DLGAP1: variants seen among roughly 807,000 people sequenced by gnomAD.
DLGAP1 encodes the protein disks large-associated protein 1.
Under a neutral mutation model 90.8 loss-of-function variants are expected in DLGAP1, and 11 were observed. That is an observed-to-expected ratio of 0.12 (90% CI 0.08 to 0.20). The LOEUF is 0.20. Among genes scored for constraint, DLGAP1 ranks in the 10% least tolerant of loss-of-function variants. The pLI, the probability that DLGAP1 is intolerant of heterozygous loss-of-function variation, is 1.00. For synonymous variants in DLGAP1, 558 were observed against 540.7 expected, an observed-to-expected ratio of 1.03 and a Z score of -0.44; for missense variants, 1,050 against 1,333.8, an observed-to-expected ratio of 0.79 and a Z score of 3.31.
intron 6 of DLGAP1, among the ~76,000 whole-genome samples, chr18:3,741,061 C>CAT (rs2062927624): frequency 1.1e-5 from 1 of 90,824 alleles, no homozygotes. Context: ...ACCACCATCA[C>CAT]CACCACCACC....
chr18:3,845,442 A>C (rs1333742510), intron 4 of DLGAP1: 14 of 1,350,654 alleles, frequency 1.0e-5, no homozygotes, highest in Non-Finnish European at 1.2e-5. Flanking sequence ...TTGCAACTTT[A>C]CATTTTCATT....
At chr18:3,560,147 G>T (rs538117465) in intron 9 of DLGAP1, among the ~76,000 whole-genome samples, 29 of 151,710 alleles carry the variant, frequency 1.9e-4, no homozygotes, top group Non-Finnish European at 4.0e-4. Context: ...TGGGCCAGGC[G>T]CAGTGGCTCA....
Position 3,600,827 on chromosome 18 carries a change from G to T in DLGAP1, c.1592-18579C>A, listed in dbSNP as rs867688115. Among the ~76,000 whole-genome samples, 67 of 12,134 alleles carry T rather than the reference G, an allele frequency of 5.5e-3. 2 individuals are homozygous for T. Among genetic ancestry groups the T allele is most frequent in the East Asian group, 9.1e-3 (5 of 552 alleles). The allele number at this position is 12,134 out of a possible 152,430, so 8.0% of individuals were successfully genotyped here. ...ATATATAGATATATATAGATATATA[G>T]ATATATATAGATATATATAGATATA... On this transcript the variant is annotated intron_variant, in intron 7 of 12. Transcript: ENST00000315677.
intron 7 of DLGAP1, among the ~76,000 whole-genome samples, chr18:3,647,079 T>TTAG (rs1567893438): frequency 2.0e-5 from 3 of 151,902 alleles, no homozygotes; most frequent in Non-Finnish European, 4.4e-5. Context: ...TGAAACCCTG[T>TTAG]TTCTACTAAA....
intron 5 of DLGAP1, among the ~76,000 whole-genome samples, chr18:3,812,531 T>A (rs1254585680): frequency 7.9e-5 from 12 of 152,196 alleles, no homozygotes; most frequent in Non-Finnish European, 1.8e-4. Flanking sequence ...TGTGGTAGTT[T>A]GTTCTGATGA....
chr18:4,070,765 C>G lies in DLGAP1; in HGVS notation c.-158-65564G>C, dbSNP rs146481569. Among the ~76,000 whole-genome samples the G allele has an allele frequency of 2.0e-3, 298 of 152,094 alleles. 1 individual carries two copies. The highest frequency in any genetic ancestry group is 6.7e-3 in the African/African-American group (277 of 41,490). On this transcript the variant is annotated intron_variant, in intron 2 of 12. Transcript: ENST00000315677. ...AATCATAAACGTAAACAAGAAAGAGCTCTTTAATTATATGAAGTAAAAACA... is the reference window on the plus strand; with the variant it reads ...AATCATAAACGTAAACAAGAAAGAGGTCTTTAATTATATGAAGTAAAAACA...
chr18:4,114,610 C>A lies in DLGAP1; in HGVS notation c.-159+36570G>T, dbSNP rs1375576932. Among the ~76,000 whole-genome samples, 7 of 151,786 alleles carry A rather than the reference C, an allele frequency of 4.6e-5. No individual in the cohort carries two copies. The South Asian group carries it at 1.5e-3, about 31-fold the overall frequency. Reference sequence around the variant, plus strand: ...TTTAGATGTCTTTTATTTCTTTTTTCGTGTCTGGTTGCTCTGGGTATGACT... The same window carrying A: ...TTTAGATGTCTTTTATTTCTTTTTTAGTGTCTGGTTGCTCTGGGTATGACT... On this transcript the variant is annotated intron_variant, in intron 2 of 12. Coordinates refer to ENST00000315677, the MANE Select transcript of DLGAP1 (RefSeq NM_004746.4).
chr18:3,618,283 G>C (rs1213782922), intron 7 of DLGAP1, among the ~76,000 whole-genome samples: 1 of 152,186 alleles, frequency 6.6e-6, no homozygotes, highest in South Asian at 2.1e-4. Context: ...AGAAACCCAT[G>C]AATCAATAAT....
intron 1 of DLGAP1, among the ~76,000 whole-genome samples, chr18:4,158,795 A>G (rs1461516487): frequency 1.3e-5 from 2 of 152,174 alleles, no homozygotes; most frequent in African/African-American, 2.4e-5. Flanking sequence ...GGAAGAGAGA[A>G]AAGTCAGTGA....
chr18:4,334,247 A>T (rs1220152409), intron 1 of DLGAP1, among the ~76,000 whole-genome samples: 1 of 151,726 alleles, frequency 6.6e-6, no homozygotes, highest in Non-Finnish European at 1.5e-5. Context: ...AAACAAACAA[A>T]CAAACAAACA....
intron 1 of DLGAP1, among the ~76,000 whole-genome samples, chr18:4,181,554 C>T (rs965500887): frequency 1.3e-5 from 2 of 152,134 alleles, no homozygotes; most frequent in African/African-American, 4.8e-5. Context: ...CACTCTTATT[C>T]GTAACAAAAC....
intron 7 of DLGAP1, among the ~76,000 whole-genome samples, chr18:3,638,134 A>G (rs1224917972): frequency 1.3e-5 from 2 of 151,618 alleles, no homozygotes; most frequent in Non-Finnish European, 2.9e-5. Context: ...TTTTTAGTAG[A>G]GACAGGGTTT....
intron 2 of DLGAP1, among the ~76,000 whole-genome samples, chr18:4,014,914 A>G (rs1353075920): frequency 6.6e-6 from 1 of 152,140 alleles, no homozygotes; most frequent in Non-Finnish European, 1.5e-5. Flanking sequence ...TCTAAGTTCT[A>G]AAGAGTGTGT....
intron 3 of DLGAP1, among the ~76,000 whole-genome samples, chr18:3,951,535 A>AT (rs912973892): frequency 6.6e-6 from 1 of 152,164 alleles, no homozygotes; most frequent in Non-Finnish European, 1.5e-5. Flanking sequence ...TATCCACTAA[A>AT]TTTTTTTGTA....
intron 7 of DLGAP1, among the ~76,000 whole-genome samples, chr18:3,638,542 T>G (rs1459965106): frequency 6.6e-6 from 1 of 152,210 alleles, no homozygotes; most frequent in African/African-American, 2.4e-5. Flanking sequence ...TGAGCCAACA[T>G]GGCTGTCTTT....
intron 2 of DLGAP1, among the ~76,000 whole-genome samples, chr18:4,104,005 T>C (rs957592646): frequency 9.2e-5 from 14 of 152,180 alleles, no homozygotes; most frequent in African/African-American, 3.4e-4. Context: ...CTTCCAGTTT[T>C]CCTTGTCTGT....
At chr18:3,702,154 C>A (rs1467837168) in intron 7 of DLGAP1, among the ~76,000 whole-genome samples, 2 of 152,114 alleles carry the variant, frequency 1.3e-5, no homozygotes, top group South Asian at 2.1e-4. Context: ...CGGGTTCAAG[C>A]GATTCTCCTG....
chr18:3,671,381 T>C (rs932569014), intron 7 of DLGAP1, among the ~76,000 whole-genome samples: 4 of 152,214 alleles, frequency 2.6e-5, no homozygotes, highest in Admixed American at 6.5e-5. Context: ...ATTATTTGCT[T>C]TTGAAGTCAG....
At chr18:3,614,968 T>C (rs1407604601) in intron 7 of DLGAP1, among the ~76,000 whole-genome samples, 3 of 148,838 alleles carry the variant, frequency 2.0e-5, no homozygotes, top group Non-Finnish European at 4.4e-5. Context: ...GTTGCCCAGG[T>C]TGGAGTGCAA....
Sources: gnomAD v4.1 joint callset for allele counts (sites outside exome capture counted in the v4.1 genomes callset) on GRCh38, gnomAD v4.1.1 for gene constraint, MANE v1.5 for transcripts, NCBI Gene and HGNC (gene_info 2026-07-23, HGNC 2026-07-21) for gene names.